The following ANKFY1 variants were observed in gnomAD, a reference collection of about 807,000 sequenced individuals.
ANKFY1 encodes the protein ankyrin repeat and FYVE domain-containing protein 1.
In ANKFY1, 47 loss-of-function variants were observed where a neutral mutation model predicts 128.3. That is an observed-to-expected ratio of 0.37 (90% CI 0.29 to 0.47). The LOEUF (loss-of-function observed/expected upper bound fraction) is 0.47, where lower values mean the gene tolerates loss of function less well. Among genes scored for constraint, ANKFY1 ranks in the 20% least tolerant of loss-of-function variants. ANKFY1 has a pLI of 1.00. For missense variants in ANKFY1, 1,222 were observed against 1,510.6 expected (o/e 0.81, Z 3.17); for synonymous variants, 553 against 601.6 (o/e 0.92, Z 1.18).
chr17:4,241,030 C>T (rs1480131447), intron 2 of ANKFY1, among the ~76,000 whole-genome samples: 1 of 152,104 alleles, frequency 6.6e-6, no homozygotes, highest in African/African-American at 2.4e-5. Context: ...ATCCTGTTGC[C>T]GCTATAACCA....
At chr17:4,177,572 C>T (rs1317764122) in intron 18 of ANKFY1, among the ~76,000 whole-genome samples, 1 of 152,158 alleles carries the variant, frequency 6.6e-6, no homozygotes, top group Non-Finnish European at 1.5e-5. Flanking sequence ...GTAGTAGGAA[C>T]TGGATGTGGA....
chr17:4,229,771 T>C (rs1567963149), intron 3 of ANKFY1, among the ~76,000 whole-genome samples: 1 of 152,214 alleles, frequency 6.6e-6, no homozygotes. Flanking sequence ...AGTGTCCTCA[T>C]GACATGGCCG....
At chr17:4,229,113 G>T (rs1485420839) in intron 3 of ANKFY1, among the ~76,000 whole-genome samples, 3 of 152,102 alleles carry the variant, frequency 2.0e-5, no homozygotes, top group Non-Finnish European at 4.4e-5. Context: ...ATAAAAAAAA[G>T]TCATAGTCTT....
In ANKFY1 at chr17:4,200,509, G is replaced by A. The variant is rs145580849; in HGVS notation, c.899-2932C>T. On this transcript the variant is annotated intron_variant, in intron 7 of 24. Transcript: ENST00000341657. ...TTCAGAGGTACTTTCTGCAGATTCC[G>A]TCTCCATTTCACCAAGGTCTACAGG... Among the ~76,000 whole-genome samples the A allele has an allele frequency of 6.0e-3, 918 of 152,270 alleles. 3 individuals carry two copies. Among genetic ancestry groups the A allele is most frequent in the Admixed American group, 0.012 (187 of 15,300 alleles).
intron 5 of ANKFY1, 108 bp from the exon 6 acceptor site, chr17:4,208,190 T>A: frequency 9.3e-7 from 1 of 1,070,464 alleles, no homozygotes; most frequent in Non-Finnish European, 1.3e-6. Flanking sequence ...TTTAAGGGCT[T>A]AACCTTTCCC....
chr17:4,229,814 A>C (rs2060485064), intron 3 of ANKFY1, among the ~76,000 whole-genome samples: 1 of 152,246 alleles, frequency 6.6e-6, no homozygotes, highest in African/African-American at 2.4e-5. Flanking sequence ...AATCCAAAAG[A>C]GAGAGCTAGG....
intron 2 of ANKFY1, among the ~76,000 whole-genome samples, chr17:4,236,922 G>A (rs1028969611): frequency 2.0e-5 from 3 of 152,054 alleles, no homozygotes; most frequent in African/African-American, 4.8e-5. Flanking sequence ...GGCAGATCAC[G>A]AGGTTGAGAT....
Position 4,181,504 on chromosome 17 carries a change from A to C in ANKFY1, c.2122-132T>G. On this transcript the variant is annotated intron_variant, in intron 15 of 24. Transcript: ENST00000341657. This position sits in a 1 kb window ranked among gnomAD's most constrained non-coding sequence, Gnocchi z 4.9. ...TACGGTTGATAATAAATTGATAATT[A>C]CTTTAATCTGTATCACTCATTATTT... The C allele has an allele frequency of 3.0e-6, 2 of 673,528 alleles. No individual in the cohort carries two copies. Among genetic ancestry groups the C allele is most frequent in the Non-Finnish European group, 5.2e-6 (2 of 382,860 alleles). The allele number at this position is 673,528 out of a possible 1,614,324, so 41.7% of individuals were successfully genotyped here.
chr17:4,174,171 T>A lies in ANKFY1; in HGVS notation c.2776-115A>T, dbSNP rs545486350. 7 of 1,257,976 alleles carry A rather than the reference T, an allele frequency of 5.6e-6. No homozygotes were observed. In the African/African-American group the frequency reaches 1.0e-4, roughly 19 times the overall value. The allele number at this position is 1,257,976 out of a possible 1,614,324, so 77.9% of individuals were successfully genotyped here. On this transcript the variant is annotated intron_variant, in intron 19 of 24. Coordinates refer to ENST00000341657, the MANE Select transcript of ANKFY1 (RefSeq NM_001330063.2). The stretch of plus-strand genomic sequence containing the variant: ...CACAGAGGCTGATGGCCTGCCCTGC[T>A]GACAGAGCTGGGAGCATAGGAGCTT...
rs926280338 is a variant in ANKFY1, at chr17:4,175,029, G to GT, written c.2776-974dup. Among the ~76,000 whole-genome samples the GT allele has an allele frequency of 3.4e-4, 51 of 150,118 alleles. 1 individual carries two copies. The highest frequency in any genetic ancestry group is 3.3e-4 in the Admixed American group (5 of 15,214). ...CAGCATAAGCCACTGCACCCGGCCTGTTTTTTAAAAGAAAGAACACAGGCC... is the reference window on the plus strand; with the variant it reads ...CAGCATAAGCCACTGCACCCGGCCTGTTTTTTTAAAAGAAAGAACACAGGCC... On this transcript the variant is annotated intron_variant, in intron 19 of 24. Transcript: ENST00000341657.
intron 5 of ANKFY1, 159 bp from the exon 6 acceptor site, chr17:4,208,241 T>C (rs907085335): frequency 1.0e-5 from 6 of 571,752 alleles, no homozygotes; most frequent in East Asian, 6.6e-5. Context: ...AAGTAAGTAC[T>C]TGAACATCCC....
intron 3 of ANKFY1, among the ~76,000 whole-genome samples, chr17:4,224,202 C>T (rs1250372566): frequency 3.4e-5 from 5 of 145,142 alleles, no homozygotes; most frequent in Non-Finnish European, 6.0e-5. Context: ...ATGTAAGTGA[C>T]TCACCTTTGA....
At chr17:4,236,796 A>G (rs1055044956) in intron 2 of ANKFY1, among the ~76,000 whole-genome samples, 1 of 152,146 alleles carries the variant, frequency 6.6e-6, no homozygotes, top group African/African-American at 2.4e-5. Flanking sequence ...TATATGGAAA[A>G]AAAGAAAAAG....
At chr17:4,221,107 G>A (rs2060304043) in intron 3 of ANKFY1, among the ~76,000 whole-genome samples, 1 of 152,156 alleles carries the variant, frequency 6.6e-6, no homozygotes, top group Admixed American at 6.5e-5. Flanking sequence ...TTTTGTTTTG[G>A]TTTGAATTTT....
intron 1 of ANKFY1, among the ~76,000 whole-genome samples, chr17:4,258,350 C>G (rs1598161004): frequency 6.6e-6 from 1 of 152,184 alleles, no homozygotes; most frequent in Middle Eastern, 3.4e-3. Context: ...ACGGTGAAAC[C>G]TCATCTCTAC....
intron 4 of ANKFY1, among the ~76,000 whole-genome samples, chr17:4,211,834 C>A (rs1033728887): frequency 1.3e-4 from 19 of 151,724 alleles, no homozygotes; most frequent in African/African-American, 4.4e-4. Context: ...TGCGGTGAAC[C>A]GTGATCGCAC....
intron 4 of ANKFY1, among the ~76,000 whole-genome samples, chr17:4,211,600 G>T (rs2060131881): frequency 6.6e-6 from 1 of 151,996 alleles, no homozygotes; most frequent in African/African-American, 2.4e-5. Flanking sequence ...AGGTGCAAAG[G>T]CTCACACCTG....
rs555812946 is a variant in ANKFY1 at position 4,219,034 on chromosome 17, G to A, written c.323-1916C>T. Among the ~76,000 whole-genome samples the A allele has an allele frequency of 1.8e-3, 273 of 152,194 alleles. 1 individual carries two copies. The highest frequency in any genetic ancestry group is 6.2e-3 in the African/African-American group (259 of 41,522). Reference sequence around the variant, plus strand: ...TCTGTGTCTGTCTCTCAAGAGATTGGAAGGATATATACTAAAATATCAACC... The same window carrying A: ...TCTGTGTCTGTCTCTCAAGAGATTGAAAGGATATATACTAAAATATCAACC... On this transcript the variant is annotated intron_variant, in intron 3 of 24. Coordinates refer to ENST00000341657, the MANE Select transcript of ANKFY1 (RefSeq NM_001330063.2).
chr17:4,237,547 T>C (rs1260194849), intron 2 of ANKFY1, among the ~76,000 whole-genome samples: 1 of 152,152 alleles, frequency 6.6e-6, no homozygotes, highest in Non-Finnish European at 1.5e-5. Context: ...CTTAAACAGA[T>C]TTTCAGTCTG....
Sources: allele counts gnomAD v4.1 joint callset (sites outside exome capture counted in the v4.1 genomes callset), GRCh38; gene constraint gnomAD v4.1.1; non-coding constraint Gnocchi (gnomAD v3.1); transcripts MANE v1.5; gene names NCBI Gene and HGNC (gene_info 2026-07-23, HGNC 2026-07-21).